The following HNRNPH1 variants were observed in gnomAD, a reference collection of about 807,000 sequenced individuals.
HNRNPH1 encodes the protein heterogeneous nuclear ribonucleoprotein H.
A neutral mutation model predicts 58.6 loss-of-function variants in HNRNPH1; 4 were observed. That is an observed-to-expected ratio of 0.07 (90% confidence interval 0.03 to 0.16). The LOEUF (loss-of-function observed/expected upper bound fraction) is 0.16. HNRNPH1 is among the 10% of genes least tolerant of loss of function. The pLI is 1.00. For synonymous variants in HNRNPH1, 192 were observed against 189.2 expected, an observed-to-expected ratio of 1.01 and a Z score of -0.12; for missense variants, 271 against 564.2, an observed-to-expected ratio of 0.48 and a Z score of 5.26.
At chr5:179,619,045 T>G (rs1581677474) in intron 4 of HNRNPH1, 2 of 394,364 alleles carry the variant, frequency 5.1e-6, no homozygotes. Context: ...TTGGGGTTAA[T>G]AAGACTCACA....
chr5:179,614,261 T>G (rs960325347), exon 13 of HNRNPH1: 2 of 152,440 alleles, frequency 1.3e-5, no homozygotes, highest in Non-Finnish European at 2.9e-5. Context: ...AATGAAAGAT[T>G]TAAATCAAGG....
Position 179,618,097 on chromosome 5 carries a change from T to C in HNRNPH1, c.716-37A>G, listed in dbSNP as rs539627779. ...AGTACAATCAATCAAATAAAACACC[T>C]AGACAAAGGAACAGACGACTTGCCG... is the stretch of plus-strand genomic sequence containing the variant. On this transcript the variant is annotated intron_variant, in intron 5 of 12. Coordinates refer to ENST00000356731, the Ensembl canonical transcript of HNRNPH1. 31 of 1,613,384 alleles carry C rather than the reference T, an allele frequency of 1.9e-5. 1 individual carries two copies. The South Asian group carries it at 3.2e-4, about 17-fold the overall frequency.
rs1772954184 is a variant in HNRNPH1 at position 179,622,498 on chromosome 5, G to A, written c.97+539C>T. ...AACCGAGGTGGGCGGATCACTTGAG[G>A]TCAGATGTTCGAGACCAGCCTGGCC... On this transcript the variant is annotated intron_variant, in intron 1 of 12. Transcript: ENST00000356731. Among the ~76,000 whole-genome samples, 8 of 152,280 alleles carry A rather than the reference G, an allele frequency of 5.3e-5. No individual in the cohort carries two copies. In the South Asian group the frequency reaches 1.5e-3, roughly 28 times the overall value.
At chr5:179,632,751 A>T (rs1186961681) in intron 2 of HNRNPH1, among the ~76,000 whole-genome samples, 40 of 50,834 alleles carry the variant, frequency 7.9e-4, no homozygotes, top group East Asian at 3.6e-3. Context: ...CAAATCAAAT[A>T]TCTTTTTTTT....
At chr5:179,627,534 C>T (rs1321438831), upstream of HNRNPH1, among the ~76,000 whole-genome samples, 2 of 151,620 alleles carry the variant, frequency 1.3e-5, no homozygotes, top group South Asian at 2.1e-4. Flanking sequence ...CAGGGTCTCA[C>T]TTCGTCACTC....
At chr5:179,615,288 A>T (rs4438838) in intron 12 of HNRNPH1, 5,619 of 443,180 alleles carry the variant, frequency 0.013, 269 homozygotes, top group African/African-American at 0.099. Context: ...AGGCATTTTT[A>T]AAAAAAATTT....
At chr5:179,624,130 G>A (rs1254530749) in exon 1 of HNRNPH1, 3 of 173,348 alleles carry the variant, frequency 1.7e-5, no homozygotes, top group Admixed American at 6.3e-5. Flanking sequence ...AAGGAGGGGC[G>A]CGGCCTTCAG....
intron 1 of HNRNPH1, chr5:179,622,044 A>T: frequency 4.4e-6 from 2 of 454,116 alleles, no homozygotes; most frequent in South Asian, 3.1e-5. Flanking sequence ...TCCAAATAGA[A>T]TTTTAATCAG....
rs758609696 is a variant in HNRNPH1, at chr5:179,621,045, G to A, written c.254-10C>T. On this transcript the variant is annotated splice_polypyrimidine_tract_variant and intron_variant, in intron 2 of 12. Coordinates refer to ENST00000356731, the Ensembl canonical transcript of HNRNPH1. ...TTGTTTGACTTGAATACTGAAAGAG[G>A]TGCTTAGAATTAGTCACTTTTGGAA... is the stretch of plus-strand genomic sequence containing the variant. 1 of 1,613,030 alleles carries A rather than the reference G, an allele frequency of 6.2e-7. No individual in the cohort carries two copies. The highest frequency in any genetic ancestry group is 1.7e-5 in the Admixed American group (1 of 59,920).
chr5:179,625,990 T>C (rs1774361575), upstream of HNRNPH1, among the ~76,000 whole-genome samples: 1 of 152,082 alleles, frequency 6.6e-6, no homozygotes. Flanking sequence ...GGTCTCATTT[T>C]GTTGCCCAGG....
chr5:179,621,694 C>G, intron 1 of HNRNPH1: 1 of 421,922 alleles, frequency 2.4e-6, no homozygotes, highest in Middle Eastern at 6.5e-4. Context: ...ATCAATTTCT[C>G]AGAAGATTAT....
chr5:179,620,656 A>C, intron 3 of HNRNPH1: 1 of 449,454 alleles, frequency 2.2e-6, no homozygotes, highest in Admixed American at 3.8e-5. Context: ...TCCTCAATGA[A>C]AGATCTACTC....
chr5:179,618,404 G>C (rs1352798119), intron 4 of HNRNPH1, 81 bp from the exon 6 acceptor site: 1 of 951,334 alleles, frequency 1.1e-6, no homozygotes, highest in Non-Finnish European at 1.6e-6. Context: ...AGTTATACAA[G>C]AAAACAATCT....
At chr5:179,615,882 G>T (rs896206448) in intron 11 of HNRNPH1, 1 of 527,762 alleles carries the variant, frequency 1.9e-6, no homozygotes, top group Non-Finnish European at 3.4e-6. Flanking sequence ...TTAATTCAAA[G>T]AACACTTCCC....
chr5:179,619,441 G>C (rs368255507), intron 3 of HNRNPH1, 34 bp from the exon 5 acceptor site: 1 of 1,575,044 alleles, frequency 6.3e-7, no homozygotes, highest in Non-Finnish European at 8.6e-7. Context: ...CCAGTAGGGG[G>C]GCAATATTAA....
chr5:179,630,026 TAAAAC>T (rs1369389250), intron 2 of HNRNPH1, among the ~76,000 whole-genome samples: 1 of 149,944 alleles, frequency 6.7e-6, no homozygotes, highest in African/African-American at 2.5e-5. Flanking sequence ...TGTCTCAAAA[TAAAAC>T]AAAAAAACAG....
chr5:179,626,608 C>CAGG (rs1774423231), upstream of HNRNPH1, among the ~76,000 whole-genome samples: 1 of 150,090 alleles, frequency 6.7e-6, no homozygotes. Context: ...CCCAGCTACT[C>CAGG]AGGAGGCTGA....
exon 13 of HNRNPH1, chr5:179,614,379 T>C (rs1439082917): frequency 6.6e-6 from 1 of 152,352 alleles, no homozygotes; most frequent in Non-Finnish European, 1.5e-5. Flanking sequence ...TTACGTGCCT[T>C]ACAGGTTATT....
chr5:179,629,121 C>T (rs1464057338), upstream of HNRNPH1: 2 of 149,284 alleles, frequency 1.3e-5, no homozygotes, highest in Non-Finnish European at 3.0e-5. Context: ...CACAGTGAAA[C>T]CCCGTCTCTA....
Sources: allele counts gnomAD v4.1 joint callset (sites outside exome capture counted in the v4.1 genomes callset), GRCh38; gene constraint gnomAD v4.1.1; transcripts MANE v1.5; gene names NCBI Gene and HGNC (gene_info 2026-07-23, HGNC 2026-07-21).